Variants in CEP128 observed in about 807,000 individuals in gnomAD.
CEP128 encodes the protein centrosomal protein 128kDa.
Under a neutral mutation model 156.7 loss-of-function variants are expected in CEP128, and 132 were observed. The observed-to-expected ratio is 0.84, with a 90% CI of 0.73 to 0.97. CEP128 has a LOEUF of 0.97. Among genes scored for constraint, CEP128 ranks in the 50% least tolerant of loss-of-function variants. The pLI, the probability that CEP128 is intolerant of heterozygous loss-of-function variation, is 0.00. For synonymous variants in CEP128, 469 were observed against 448.9 expected, an observed-to-expected ratio of 1.04 and a Z score of -0.57; for missense variants, 1,252 against 1,281.9, an observed-to-expected ratio of 0.98 and a Z score of 0.36.
intron 23 of CEP128, among the ~76,000 whole-genome samples, chr14:80,510,937 T>C (rs1269065497): frequency 6.6e-6 from 1 of 151,938 alleles, no homozygotes; most frequent in Non-Finnish European, 1.5e-5. Flanking sequence ...TGTTAAACCA[T>C]GTTTGCATCC....
At chr14:80,906,752 A>T (rs1883903832) in intron 4 of CEP128, among the ~76,000 whole-genome samples, 1 of 152,156 alleles carries the variant, frequency 6.6e-6, no homozygotes, top group Non-Finnish European at 1.5e-5. Context: ...AAACATGCTA[A>T]ATACTGAGAA....
intron 19 of CEP128, among the ~76,000 whole-genome samples, chr14:80,666,935 G>A (rs917575360): frequency 9.2e-5 from 14 of 152,164 alleles, no homozygotes; most frequent in Middle Eastern, 6.8e-3. Context: ...TTGACTGTCC[G>A]TCTTTGTTTC....
intron 8 of CEP128, among the ~76,000 whole-genome samples, chr14:80,877,403 C>G (rs1390842975): frequency 6.6e-6 from 1 of 152,006 alleles, no homozygotes; most frequent in Non-Finnish European, 1.5e-5. Context: ...TAATGATACT[C>G]TATAAAATAG....
rs560604180 is a variant in CEP128, at chr14:80,798,417, G to T, written c.1210-5307C>A. ...AAGAGTCCACTTCCAGTGAAATTACGCAAGACATGTTCAATTTCTCCAGCA... is the reference window on the plus strand; with the variant it reads ...AAGAGTCCACTTCCAGTGAAATTACTCAAGACATGTTCAATTTCTCCAGCA... On this transcript the variant is annotated intron_variant, in intron 13 of 24. Coordinates refer to ENST00000555265, the MANE Select transcript of CEP128 (RefSeq NM_152446.5). Among the ~76,000 whole-genome samples the T allele has an allele frequency of 1.8e-3, 273 of 152,302 alleles. 2 individuals are homozygous for T. Among genetic ancestry groups the T allele is most frequent in the Middle Eastern group, 6.8e-3 (2 of 294 alleles).
intron 19 of CEP128, among the ~76,000 whole-genome samples, chr14:80,698,427 TA>T (rs1896959883): frequency 6.6e-6 from 1 of 152,166 alleles, no homozygotes; most frequent in Non-Finnish European, 1.5e-5. Flanking sequence ...TGAAATTCTT[TA>T]AATTAGTACT....
intron 13 of CEP128, among the ~76,000 whole-genome samples, chr14:80,806,231 C>G (rs1431683200): frequency 6.6e-6 from 1 of 152,122 alleles, no homozygotes; most frequent in East Asian, 1.9e-4. Context: ...CGAGAGGCTT[C>G]ATACAACCTC....
chr14:80,618,377 A>G (rs1290992246), intron 19 of CEP128, among the ~76,000 whole-genome samples: 1 of 152,258 alleles, frequency 6.6e-6, no homozygotes, highest in Non-Finnish European at 1.5e-5. Context: ...TCAAGATAAT[A>G]TCAACACACA....
intron 23 of CEP128, among the ~76,000 whole-genome samples, chr14:80,517,013 AG>A (rs1397099608): frequency 4.6e-5 from 7 of 152,080 alleles, no homozygotes; most frequent in Non-Finnish European, 1.0e-4. Context: ...CAATTGCTGG[AG>A]GGTTCTATTT....
chr14:80,917,509 T>C (rs1884626282), intron 2 of CEP128, among the ~76,000 whole-genome samples: 1 of 152,178 alleles, frequency 6.6e-6, no homozygotes, highest in Admixed American at 6.5e-5. Flanking sequence ...AAATATAGTG[T>C]GATAAAAACA....
At chr14:80,629,053 G>GAA (rs11289797) in intron 19 of CEP128, among the ~76,000 whole-genome samples, 4 of 144,260 alleles carry the variant, frequency 2.8e-5, no homozygotes, top group African/African-American at 1.0e-4. Flanking sequence ...GCCTGTTTAA[G>GAA]AAAAAAAAAA....
intron 21 of CEP128, among the ~76,000 whole-genome samples, chr14:80,549,109 C>T (rs941416583): frequency 2.0e-5 from 3 of 152,102 alleles, no homozygotes; most frequent in Admixed American, 6.5e-5. Flanking sequence ...AGAATACAGG[C>T]TGTGTATTTT....
chr14:80,546,261 T>C (rs1318087088), intron 21 of CEP128, among the ~76,000 whole-genome samples: 1 of 152,200 alleles, frequency 6.6e-6, no homozygotes, highest in Non-Finnish European at 1.5e-5. Flanking sequence ...CTGTGACACA[T>C]GCAGGATAAG....
At chr14:80,857,234 G>GTTT (rs528258601) in intron 9 of CEP128, among the ~76,000 whole-genome samples, 2 of 133,206 alleles carry the variant, frequency 1.5e-5, no homozygotes, top group Admixed American at 7.5e-5. Flanking sequence ...TTTTTTTACA[G>GTTT]TTTTTTTTTT....
chr14:80,716,687 A>T (rs942913446), intron 19 of CEP128, among the ~76,000 whole-genome samples: 2 of 152,200 alleles, frequency 1.3e-5, no homozygotes, highest in African/African-American at 4.8e-5. Flanking sequence ...AGGCTGTTGT[A>T]AACATTTGGC....
At chr14:80,501,810 C>T (rs1194008233) in intron 24 of CEP128, among the ~76,000 whole-genome samples, 1 of 151,918 alleles carries the variant, frequency 6.6e-6, no homozygotes, top group Non-Finnish European at 1.5e-5. Flanking sequence ...TGGGACTAGA[C>T]TCCAAAGGCA....
intron 19 of CEP128, among the ~76,000 whole-genome samples, chr14:80,707,168 TTGTC>T (rs1292415569): frequency 2.6e-5 from 4 of 152,336 alleles, no homozygotes; most frequent in South Asian, 2.1e-4. Context: ...ATTCTAGACA[TTGTC>T]TGTTATGTTA....
chr14:80,954,779 C>A (rs531917585), intron 2 of CEP128, among the ~76,000 whole-genome samples: 30 of 152,204 alleles, frequency 2.0e-4, no homozygotes, highest in Non-Finnish European at 3.1e-4. Flanking sequence ...GGTGAGTATG[C>A]CACTTAAGTA....
chr14:80,799,465 G>C (rs899268214), intron 13 of CEP128, among the ~76,000 whole-genome samples: 6 of 152,176 alleles, frequency 3.9e-5, no homozygotes, highest in African/African-American at 1.2e-4. Flanking sequence ...CAGAGTAACA[G>C]CGATTTTTAG....
At chr14:80,508,753 T>C (rs1888104958) in intron 23 of CEP128, among the ~76,000 whole-genome samples, 2 of 152,202 alleles carry the variant, frequency 1.3e-5, no homozygotes, top group African/African-American at 4.8e-5. Flanking sequence ...TAAACATATG[T>C]TGTCAAAAAT....
Sources: allele counts gnomAD v4.1 joint callset (sites outside exome capture counted in the v4.1 genomes callset), GRCh38; gene constraint gnomAD v4.1.1; transcripts MANE v1.5; gene names NCBI Gene and HGNC (gene_info 2026-07-23, HGNC 2026-07-21).